The following SRD5A1 variants were observed in gnomAD, a reference collection of about 807,000 sequenced individuals.
SRD5A1 encodes the protein steroid 5 alpha-reductase 1.
In SRD5A1, 22 loss-of-function variants were observed where a neutral mutation model predicts 28.2. The ratio of observed to expected loss-of-function variants is 0.78; its 90% CI spans 0.56 to 1.12. The LOEUF is 1.12. Ranked by LOEUF, SRD5A1 falls within the 50% of genes most tolerant of loss-of-function variation. The pLI, the probability that SRD5A1 is intolerant of heterozygous loss-of-function variation, is 0.00. For missense variants in SRD5A1, 300 were observed against 346.7 expected (o/e 0.87, Z 1.07); for synonymous variants, 151 against 135.0 (o/e 1.12, Z -0.82).
chr5:6,666,230 C>G (rs1739170526), intron 4 of SRD5A1, among the ~76,000 whole-genome samples: 1 of 152,090 alleles, frequency 6.6e-6, no homozygotes. Flanking sequence ...TCACTGCAAG[C>G]TCTGCCTCCC....
rs560026447 is a variant in SRD5A1 at position 6,666,350 on chromosome 5, G to A, written c.714-1852G>A. 1.5e-4 allele frequency among the ~76,000 whole-genome samples: 23 copies of A among 152,152 alleles called. No individual in the cohort carries two copies. The South Asian group carries it at 2.1e-3, about 14-fold the overall frequency. On this transcript the variant is annotated intron_variant, in intron 4 of 4. Coordinates refer to ENST00000274192, the MANE Select transcript of SRD5A1 (RefSeq NM_001047.4). Reference sequence around the variant, plus strand: ...TTTTTAGTAGAGACGGGGTTTCACCGTGTCAGCCAGGATGGTCTTGATCTC... The same window carrying A: ...TTTTTAGTAGAGACGGGGTTTCACCATGTCAGCCAGGATGGTCTTGATCTC...
Position 6,672,345 on chromosome 5 carries a change from G to C in SRD5A1, c.*4077G>C, listed in dbSNP as rs1739385614. On this transcript the variant is annotated 3_prime_UTR_variant, in exon 5 of 5. Coordinates refer to ENST00000274192, the MANE Select transcript of SRD5A1 (RefSeq NM_001047.4). ...GGCTGGAGTGCAATGGTGCGATCTT[G>C]GCTCACTGCAAGCTGTGCCTCCCGG... 1.3e-5 allele frequency: 2 copies of C among 152,272 alleles called. No individual in the cohort carries two copies. The highest frequency in any genetic ancestry group is 4.8e-5 in the African/African-American group (2 of 41,442). The allele number at this position is 152,272 out of a possible 1,614,324, so 9.4% of individuals were successfully genotyped here.
chr5:6,643,656 C>A (rs891307805), intron 1 of SRD5A1, among the ~76,000 whole-genome samples: 2 of 152,124 alleles, frequency 1.3e-5, no homozygotes, highest in Non-Finnish European at 2.9e-5. Context: ...AAGTGTTCTC[C>A]CCAAAAGGCT....
chr5:6,642,093 AT>A (rs1189647130), intron 1 of SRD5A1, among the ~76,000 whole-genome samples: 2 of 152,224 alleles, frequency 1.3e-5, no homozygotes, highest in Non-Finnish European at 2.9e-5. Context: ...ATCTTAGTGC[AT>A]TTTTTGTAAT....
At position 6,633,885 on chromosome 5, in the gene SRD5A1, C is replaced by T. The variant is rs1385131011; in HGVS notation, c.293+16C>T. 7 of 1,596,462 alleles carry T rather than the reference C, an allele frequency of 4.4e-6. No homozygotes were observed. The highest frequency in any genetic ancestry group is 5.9e-6 in the Non-Finnish European group (7 of 1,179,098). ...ACGGGCATCGGTAACGTCCCCGGCCCCCGGCCCCCTACCCTACTCCCGGCC... is the reference window on the plus strand; with the variant it reads ...ACGGGCATCGGTAACGTCCCCGGCCTCCGGCCCCCTACCCTACTCCCGGCC... On this transcript the variant is annotated intron_variant, in intron 1 of 4. Coordinates refer to ENST00000274192, the MANE Select transcript of SRD5A1 (RefSeq NM_001047.4).
intron 1 of SRD5A1, among the ~76,000 whole-genome samples, chr5:6,642,946 C>T (rs1282355629): frequency 6.6e-6 from 1 of 152,112 alleles, no homozygotes; most frequent in African/African-American, 2.4e-5. Context: ...GGCTTAATCA[C>T]ACACAACAGA....
At chr5:6,644,447 G>A (rs904546311) in intron 1 of SRD5A1, among the ~76,000 whole-genome samples, 3 of 152,098 alleles carry the variant, frequency 2.0e-5, no homozygotes, top group Non-Finnish European at 4.4e-5. Flanking sequence ...TTTGCCTAGT[G>A]GGAAATAACT....
At chr5:6,650,462 T>C (rs149081691) in intron 1 of SRD5A1, among the ~76,000 whole-genome samples, 356 of 151,776 alleles carry the variant, frequency 2.3e-3, no homozygotes, top group African/African-American at 8.2e-3. Context: ...CTGTAGGATA[T>C]GTAGTGATGT....
chr5:6,638,551 A>G (rs1738269377), intron 1 of SRD5A1, among the ~76,000 whole-genome samples: 1 of 152,220 alleles, frequency 6.6e-6, no homozygotes, highest in Non-Finnish European at 1.5e-5. Context: ...GATTGCTTTA[A>G]GTTTCCTTCC....
chr5:6,635,734 G>A (rs944521634), intron 1 of SRD5A1, among the ~76,000 whole-genome samples: 1 of 152,228 alleles, frequency 6.6e-6, no homozygotes, highest in African/African-American at 2.4e-5. Context: ...TCATGTGCCA[G>A]CAAAACTGTG....
rs993130101 is a variant in SRD5A1, at chr5:6,670,984, T to C, written c.*2716T>C. The C allele has an allele frequency of 3.3e-5, 5 of 152,244 alleles. No homozygotes were observed. Among genetic ancestry groups the C allele is most frequent in the African/African-American group, 1.2e-4 (5 of 41,466 alleles). 9.4% of individuals were successfully genotyped at this position (152,244 alleles called of 1,614,324 possible). ...ATAAACATGTGCGTGCAAGTATCTT[T>C]TTTTGAATAATGACTTCTTTTCCTC... is the stretch of plus-strand genomic sequence containing the variant. On this transcript the variant is annotated 3_prime_UTR_variant, in exon 5 of 5. Coordinates refer to ENST00000274192, the MANE Select transcript of SRD5A1 (RefSeq NM_001047.4).
chr5:6,634,323 T>A (rs755914881), intron 1 of SRD5A1, among the ~76,000 whole-genome samples: 62 of 149,938 alleles, frequency 4.1e-4, no homozygotes, highest in Admixed American at 5.3e-4. Context: ...CGAGACTCTG[T>A]CTCAAAATTA....
At position 6,673,139 on chromosome 5, in the gene SRD5A1, A is replaced by G. The variant is rs1447802231; in HGVS notation, c.*4871A>G. On this transcript the variant is annotated 3_prime_UTR_variant, in exon 5 of 5. Transcript: ENST00000274192. ...TTCTGTCTAATTTGAAAGGATCCAA[A>G]AAAGGAAATGATACTTGGCATTAGT... 6.6e-6 allele frequency: 1 copy of G among 152,228 alleles called. No homozygotes were observed. The highest frequency in any genetic ancestry group is 1.5e-5 in the Non-Finnish European group (1 of 68,046). The allele number at this position is 152,228 out of a possible 1,614,324, so 9.4% of individuals were successfully genotyped here.
In SRD5A1 at chr5:6,633,591, G is replaced by C; in HGVS notation, c.15G>C (p.Thr5=). The C allele has an allele frequency of 1.3e-6, 2 of 1,519,352 alleles. No homozygotes were observed. Among genetic ancestry groups the C allele is most frequent in the Non-Finnish European group, 1.8e-6 (2 of 1,141,078 alleles). 94.1% of individuals were successfully genotyped at this position (1,519,352 alleles called of 1,614,324 possible). A position where few individuals can be genotyped will look rare whatever the true frequency, so the allele number is the denominator to read the frequency against. The change falls in exon 1 of 5, where the codon ACG becomes ACC. Residue 5 remains threonine (T), a synonymous_variant. Transcript: ENST00000274192. MATA[T]GVAEERLLAA... is the part of the protein sequence containing the mutation. The stretch of plus-strand genomic sequence containing the variant: ...CAGCCCTGGCGATGGCAACGGCGAC[G>C]GGGGTGGCGGAGGAGCGCCTGCTGG...
chr5:6,657,728 T>G (rs1169078017), intron 3 of SRD5A1, among the ~76,000 whole-genome samples: 2 of 152,118 alleles, frequency 1.3e-5, no homozygotes, highest in Admixed American at 6.5e-5. Flanking sequence ...GGGAGGGCCC[T>G]CCTGGGCCAG....
At chr5:6,664,827 G>C (rs1266646992) in intron 4 of SRD5A1, among the ~76,000 whole-genome samples, 2 of 152,272 alleles carry the variant, frequency 1.3e-5, no homozygotes, top group Non-Finnish European at 2.9e-5. Context: ...ACAGTGAGGA[G>C]AGAGCGAGAT....
intron 3 of SRD5A1, among the ~76,000 whole-genome samples, chr5:6,656,759 A>G (rs1190853107): frequency 6.6e-6 from 1 of 151,950 alleles, no homozygotes; most frequent in Non-Finnish European, 1.5e-5. Flanking sequence ...GTAGTGGTGG[A>G]CTCTCCTGGC....
In SRD5A1 at chr5:6,670,006, AGC is replaced by A. The variant is rs1460712416; in HGVS notation, c.*1739_*1740del. On this transcript the variant is annotated 3_prime_UTR_variant, in exon 5 of 5. Transcript: ENST00000274192. ...GGCTGACAGAAGGCAGAGGGAAATGAGCATCTCAAAGTGAGACCAACTAAACA... is the reference window on the plus strand; with the variant it reads ...GGCTGACAGAAGGCAGAGGGAAATGAATCTCAAAGTGAGACCAACTAAACA... 3 of 152,578 alleles carry A rather than the reference AGC, an allele frequency of 2.0e-5. No homozygotes were observed. The highest frequency in any genetic ancestry group is 7.2e-5 in the African/African-American group (3 of 41,464). 9.5% of individuals were successfully genotyped at this position (152,578 alleles called of 1,614,324 possible). A position where few individuals can be genotyped will look rare whatever the true frequency, so the allele number is the denominator to read the frequency against.
rs752521495 is a variant in SRD5A1 at position 6,656,202 on chromosome 5, T to G, written c.562+23T>G. 2.5e-6 allele frequency: 4 copies of G among 1,595,278 alleles called. No homozygotes were observed. The East Asian group carries it at 6.7e-5, about 27-fold the overall frequency. ...GGGGTACGTACAGAAAGTGAAGAAT[T>G]TCTGTGAAAGTTGCTTGCCATGGTT... On this transcript the variant is annotated intron_variant, in intron 3 of 4. Transcript: ENST00000274192.
Sources: allele counts gnomAD v4.1 joint callset (sites outside exome capture counted in the v4.1 genomes callset), GRCh38; gene constraint gnomAD v4.1.1; transcripts MANE v1.5; gene names NCBI Gene and HGNC (gene_info 2026-07-23, HGNC 2026-07-21).